The following MAML2 variants were observed in gnomAD, a reference collection of about 807,000 sequenced individuals.
MAML2 encodes mastermind-like protein 2.
MAML2 carries 22 observed loss-of-function variants against 96.1 expected under a neutral mutation model. The ratio of observed to expected loss-of-function variants is 0.23; its 90% confidence interval spans 0.16 to 0.33. The LOEUF is 0.33. MAML2 is among the 10% of genes least tolerant of loss of function. MAML2 has a pLI of 1.00. For missense variants in MAML2, 1,367 were observed against 1,392.4 expected, an observed-to-expected ratio of 0.98 and a Z score of 0.29; for synonymous variants, 561 against 521.3, an observed-to-expected ratio of 1.08 and a Z score of -1.04.
intron 1 of MAML2, among the ~76,000 whole-genome samples, chr11:96,227,461 G>A (rs1764543666): frequency 6.6e-6 from 1 of 152,148 alleles, no homozygotes; most frequent in Non-Finnish European, 1.5e-5. Context: ...TCAGCCCAGT[G>A]CCTGGCACAC....
intron 1 of MAML2, among the ~76,000 whole-genome samples, chr11:96,270,604 C>T (rs1160977061): frequency 6.6e-6 from 1 of 152,100 alleles, no homozygotes; most frequent in East Asian, 1.9e-4. Flanking sequence ...CCACCATGTC[C>T]AGCCACCATT....
intron 1 of MAML2, among the ~76,000 whole-genome samples, chr11:96,203,970 G>T (rs1316152286): frequency 6.6e-6 from 1 of 152,206 alleles, no homozygotes; most frequent in African/African-American, 2.4e-5. Context: ...AAGGGGTTAA[G>T]GACTAATTAT....
rs4753186 is a variant in MAML2 at position 96,046,267 on chromosome 11, C to A, written c.2139+45625G>T. 8.2e-3 allele frequency among the ~76,000 whole-genome samples: 1,251 copies of A among 152,032 alleles called. 45 individuals carry two copies. The East Asian group carries it at 0.085, about 10-fold the overall frequency. ...TCGAGCCAAGAGACGTGATGAATTGCAAGAATGTGTTGTGTTCATAGCCGG... is the reference window on the plus strand; with the variant it reads ...TCGAGCCAAGAGACGTGATGAATTGAAAGAATGTGTTGTGTTCATAGCCGG... On this transcript the variant is annotated intron_variant, in intron 2 of 4. Transcript: ENST00000524717.
At chr11:96,095,638 A>G (rs939270729) in intron 1 of MAML2, among the ~76,000 whole-genome samples, 1 of 152,194 alleles carries the variant, frequency 6.6e-6, no homozygotes, top group Admixed American at 6.5e-5. Flanking sequence ...CAGAGGAGAG[A>G]CACGTTTTAA....
Position 96,341,786 on chromosome 11 carries a change from A to G in MAML2, c.110T>C (p.Val37Ala), listed in dbSNP as rs746402233. The change falls in exon 1 of 5, where the codon GTG (valine) becomes GCG (alanine). Residue 37 changes from valine (V) to alanine (A), a missense_variant. Coordinates refer to ENST00000524717, the MANE Select transcript of MAML2 (RefSeq NM_032427.4). ...AGCGATCCGAGCCCGGAGGCGCTCC[A>G]CGATAGCACTGTGCACTCTCGGGGT... ...SVTPRVHSAI[V>A]ERLRARIAVC... is the part of the protein sequence containing the mutation. 5 of 1,609,876 alleles carry G rather than the reference A, an allele frequency of 3.1e-6. No homozygotes were observed. The highest frequency in any genetic ancestry group is 1.3e-5 in the African/African-American group (1 of 74,840).
At position 96,114,963 on chromosome 11, in the gene MAML2, C is replaced by T. The variant is rs745377679; in HGVS notation, c.514-21446G>A. Among the ~76,000 whole-genome samples, 8 of 152,078 alleles carry T rather than the reference C, an allele frequency of 5.3e-5. No homozygotes were observed. In the East Asian group the frequency reaches 1.4e-3, roughly 26 times the overall value. On this transcript the variant is annotated intron_variant, in intron 1 of 4. Coordinates refer to ENST00000524717, the MANE Select transcript of MAML2 (RefSeq NM_032427.4). ...AGATCTCTAGTGAGGCAGAGGCAGC[C>T]GGTATGGAGGTTGGTTAGAAACTGA...
chr11:96,021,842 C>T (rs1858440878), intron 2 of MAML2, among the ~76,000 whole-genome samples: 1 of 152,234 alleles, frequency 6.6e-6, no homozygotes, highest in South Asian at 2.1e-4. Flanking sequence ...ATGCCAAGAA[C>T]TGAGGGATGC....
chr11:96,253,949 T>C (rs1862624232), intron 1 of MAML2, among the ~76,000 whole-genome samples: 1 of 152,154 alleles, frequency 6.6e-6, no homozygotes, highest in African/African-American at 2.4e-5. Flanking sequence ...TATGGCACTA[T>C]CAGACATATT....
chr11:96,177,559 G>T (rs773738331), intron 1 of MAML2, among the ~76,000 whole-genome samples: 6 of 152,162 alleles, frequency 3.9e-5, no homozygotes, highest in Non-Finnish European at 7.3e-5. Flanking sequence ...ATGTGGTGGG[G>T]GATGGGTTTT....
chr11:96,023,768 C>T (rs898582943), intron 2 of MAML2, among the ~76,000 whole-genome samples: 1 of 152,074 alleles, frequency 6.6e-6, no homozygotes, highest in African/African-American at 2.4e-5. Flanking sequence ...TTAGAGCAAA[C>T]AGAATATGGC....
At chr11:96,191,504 G>A (rs1460508684) in intron 1 of MAML2, among the ~76,000 whole-genome samples, 6 of 118,334 alleles carry the variant, frequency 5.1e-5, no homozygotes, top group Admixed American at 1.7e-4. Flanking sequence ...GGCCGGGAGC[G>A]GTGGCTCAGC....
chr11:96,284,809 C>T (rs1863116124), intron 1 of MAML2, among the ~76,000 whole-genome samples: 1 of 152,308 alleles, frequency 6.6e-6, no homozygotes, highest in South Asian at 2.1e-4. Context: ...CATGAAGAAT[C>T]AGTCTCTTCA....
intron 1 of MAML2, among the ~76,000 whole-genome samples, chr11:96,288,477 G>A (rs749946342): frequency 1.2e-4 from 18 of 151,390 alleles, no homozygotes; most frequent in Non-Finnish European, 2.4e-4. Flanking sequence ...GGGAGATGGA[G>A]GTTGCAGTGA....
At chr11:96,178,095 C>CT (rs35797274) in intron 1 of MAML2, among the ~76,000 whole-genome samples, 76,756 of 143,012 alleles carry the variant, frequency 0.54, 20,925 homozygotes, top group East Asian at 0.73. Flanking sequence ...TCTTTTTTTT[C>CT]TTTTTTTTTT....
At chr11:96,339,212 A>G (rs934883197) in intron 1 of MAML2, among the ~76,000 whole-genome samples, 9 of 152,144 alleles carry the variant, frequency 5.9e-5, no homozygotes, top group Non-Finnish European at 1.0e-4. Flanking sequence ...GGTGGTTAGA[A>G]GAGAGAAAGA....
chr11:96,112,217 C>G lies in MAML2; in HGVS notation c.514-18700G>C, dbSNP rs559496149. Among the ~76,000 whole-genome samples, 366 of 152,374 alleles carry G rather than the reference C, an allele frequency of 2.4e-3. 1 individual carries two copies. The highest frequency in any genetic ancestry group is 6.8e-3 in the Middle Eastern group (2 of 294). On this transcript the variant is annotated intron_variant, in intron 1 of 4. Coordinates refer to ENST00000524717, the MANE Select transcript of MAML2 (RefSeq NM_032427.4). ...TTTCTCTACCACAAGGCCAACCAAACAATTTCATAGTGATCAGACTTGACA... is the reference window on the plus strand; with the variant it reads ...TTTCTCTACCACAAGGCCAACCAAAGAATTTCATAGTGATCAGACTTGACA...
intron 1 of MAML2, among the ~76,000 whole-genome samples, chr11:96,288,013 G>C (rs928763044): frequency 2.0e-5 from 3 of 152,118 alleles, no homozygotes; most frequent in Admixed American, 6.5e-5. Flanking sequence ...ATGGTATCCT[G>C]ATACACTTTC....
intron 1 of MAML2, among the ~76,000 whole-genome samples, chr11:96,277,666 C>T (rs1022734205): frequency 3.4e-5 from 5 of 149,078 alleles, no homozygotes; most frequent in Admixed American, 1.3e-4. Context: ...GCAGGAGAAT[C>T]GCTTGTGGTT....
intron 1 of MAML2, among the ~76,000 whole-genome samples, chr11:96,286,585 A>G (rs557277): frequency 0.26 from 39,685 of 151,720 alleles, 5,321 homozygotes; most frequent in East Asian, 0.33. Flanking sequence ...TCTTGCATAT[A>G]GTGGGTTTTC....
Sources: gnomAD v4.1 joint callset for allele counts (sites outside exome capture counted in the v4.1 genomes callset) on GRCh38, gnomAD v4.1.1 for gene constraint, MANE v1.5 for transcripts, NCBI Gene and HGNC (gene_info 2026-07-23, HGNC 2026-07-21) for gene names.